Variants in XKR4 observed in about 807,000 individuals in gnomAD.
The protein encoded by XKR4 is XK-related protein 4.
In XKR4, 12 loss-of-function variants were observed where a neutral mutation model predicts 53.9. The ratio of observed to expected loss-of-function variants is 0.22; its 90% confidence interval spans 0.14 to 0.36. The LOEUF (loss-of-function observed/expected upper bound fraction) is 0.36, where lower values mean the gene tolerates loss of function less well. Ranked by LOEUF, XKR4 falls within the 10% of genes least tolerant of loss-of-function variation. XKR4 has a pLI of 1.00. For missense variants in XKR4, 799 were observed against 859.5 expected (o/e 0.93, Z 0.88); for synonymous variants, 354 against 362.4 (o/e 0.98, Z 0.26).
chr8:55,345,031 C>T (rs1414778837), intron 1 of XKR4, among the ~76,000 whole-genome samples: 1 of 152,192 alleles, frequency 6.6e-6, no homozygotes, highest in Non-Finnish European at 1.5e-5. Flanking sequence ...GGGCAGATCA[C>T]AGCAATTTGG....
Position 55,286,862 on chromosome 8 carries a change from C to T in XKR4, c.807-70816C>T, listed in dbSNP as rs1303797929. On this transcript the variant is annotated intron_variant, in intron 1 of 2. Transcript: ENST00000327381. ...TACCAAGAATTAAAAATATTTAGAG[C>T]TAGATGTTAAAAGGTCTACTTTCTA... Among the ~76,000 whole-genome samples, 3 of 152,076 alleles carry T rather than the reference C, an allele frequency of 2.0e-5. No homozygotes were observed. In the South Asian group the frequency reaches 6.2e-4, roughly 32 times the overall value.
chr8:55,222,888 A>C (rs1027678657), intron 1 of XKR4, among the ~76,000 whole-genome samples: 4 of 152,170 alleles, frequency 2.6e-5, no homozygotes, highest in Non-Finnish European at 5.9e-5. Context: ...GGCAGGAGTC[A>C]GGCAGCTTCC....
chr8:55,145,873 G>A (rs4737258), intron 1 of XKR4, among the ~76,000 whole-genome samples: 85,259 of 152,056 alleles, frequency 0.56, 24,315 homozygotes, highest in South Asian at 0.69. Context: ...ATCTCATGGG[G>A]AGATTTGAGT....
At chr8:55,451,590 C>A (rs1327119891) in intron 2 of XKR4, 44 of 1,338,426 alleles carry the variant, frequency 3.3e-5, no homozygotes, top group Non-Finnish European at 4.4e-5. Flanking sequence ...GCCGGATGCG[C>A]CAGCAGACAA....
chr8:55,380,072 A>T (rs1036461998), intron 2 of XKR4, among the ~76,000 whole-genome samples: 1 of 152,244 alleles, frequency 6.6e-6, no homozygotes, highest in Non-Finnish European at 1.5e-5. Context: ...ATAATTAAAC[A>T]CACAGTCCCG....
intron 2 of XKR4, among the ~76,000 whole-genome samples, chr8:55,407,896 G>A (rs1456237835): frequency 6.6e-6 from 1 of 152,198 alleles, no homozygotes; most frequent in African/African-American, 2.4e-5. Flanking sequence ...CAAAACATAA[G>A]CAAAGAAAGG....
At chr8:55,279,447 G>T (rs1449081074) in intron 1 of XKR4, among the ~76,000 whole-genome samples, 2 of 152,194 alleles carry the variant, frequency 1.3e-5, no homozygotes, top group Non-Finnish European at 2.9e-5. Context: ...CTCCAACTGC[G>T]ATGTGCTCTT....
At chr8:55,264,540 T>C (rs1461035119) in intron 1 of XKR4, among the ~76,000 whole-genome samples, 3 of 152,214 alleles carry the variant, frequency 2.0e-5, no homozygotes, top group African/African-American at 4.8e-5. Flanking sequence ...CACTGGCTCT[T>C]CTCCAGATAA....
intron 1 of XKR4, among the ~76,000 whole-genome samples, chr8:55,238,232 C>A (rs965587509): frequency 1.3e-5 from 2 of 152,130 alleles, no homozygotes; most frequent in African/African-American, 2.4e-5. Flanking sequence ...GCCAATGATA[C>A]CATTCTAAGC....
At chr8:55,423,391 G>T (rs546266383) in intron 2 of XKR4, among the ~76,000 whole-genome samples, 45 of 152,276 alleles carry the variant, frequency 3.0e-4, no homozygotes, top group Admixed American at 1.2e-3. Context: ...CACCGCACCC[G>T]CCAGTACATA....
chr8:55,241,809 A>T (rs1818214164), intron 1 of XKR4, among the ~76,000 whole-genome samples: 1 of 152,192 alleles, frequency 6.6e-6, no homozygotes, highest in Non-Finnish European at 1.5e-5. Context: ...AGTGCTTAAC[A>T]TCTAACAGGT....
At chr8:55,464,414 CA>C (rs796118717) in intron 2 of XKR4, among the ~76,000 whole-genome samples, 84 of 152,210 alleles carry the variant, frequency 5.5e-4, no homozygotes, top group African/African-American at 2.0e-3. Flanking sequence ...ACGCCTTTCA[CA>C]AAATTCAATA....
chr8:55,398,327 C>T (rs531405544), intron 2 of XKR4, among the ~76,000 whole-genome samples: 90 of 152,234 alleles, frequency 5.9e-4, no homozygotes, highest in South Asian at 2.1e-3. Flanking sequence ...CCATCCCTAC[C>T]CACCCAAATG....
At position 55,324,396 on chromosome 8, in the gene XKR4, T is replaced by C. The variant is rs571468876; in HGVS notation, c.807-33282T>C. ...AGTGTGAGCCACCGCACCCAGCATT[T>C]ATTTTCTTTGCCCTTAAGAAGTGGC... On this transcript the variant is annotated intron_variant, in intron 1 of 2. Coordinates refer to ENST00000327381, the MANE Select transcript of XKR4 (RefSeq NM_052898.2). 9.2e-5 allele frequency among the ~76,000 whole-genome samples: 14 copies of C among 152,330 alleles called. No individual in the cohort carries two copies. The South Asian group carries it at 2.9e-3, about 32-fold the overall frequency.
chr8:55,205,411 GT>G (rs537700626), intron 1 of XKR4, among the ~76,000 whole-genome samples: 248 of 152,254 alleles, frequency 1.6e-3, no homozygotes, highest in African/African-American at 5.7e-3. Context: ...CTTCTATTCT[GT>G]TTTTATAACG....
intron 1 of XKR4, among the ~76,000 whole-genome samples, chr8:55,109,123 T>G (rs972106171): frequency 6.6e-5 from 10 of 151,964 alleles, no homozygotes; most frequent in African/African-American, 2.2e-4. Flanking sequence ...AAGGAAGAAG[T>G]TTTTTAGTAG....
chr8:55,485,057 T>A (rs1277299730), intron 2 of XKR4, among the ~76,000 whole-genome samples: 1 of 152,200 alleles, frequency 6.6e-6, no homozygotes, highest in Non-Finnish European at 1.5e-5. Context: ...CTTGACAAAA[T>A]TCAACATCCA....
chr8:55,116,555 G>T lies in XKR4; in HGVS notation c.806+13261G>T, dbSNP rs1304986261. Among the ~76,000 whole-genome samples the T allele has an allele frequency of 7.9e-5, 12 of 152,270 alleles. No individual in the cohort carries two copies. In the South Asian group the frequency reaches 1.9e-3, roughly 24 times the overall value. On this transcript the variant is annotated intron_variant, in intron 1 of 2. Transcript: ENST00000327381. ...AAGACATGTCAGTGTCTATAGTTTAGAATAAAGGGATAATGAGAATGATGC... is the reference window on the plus strand; with the variant it reads ...AAGACATGTCAGTGTCTATAGTTTATAATAAAGGGATAATGAGAATGATGC...
intron 2 of XKR4, among the ~76,000 whole-genome samples, chr8:55,510,928 C>T (rs944516841): frequency 1.3e-5 from 2 of 152,272 alleles, no homozygotes; most frequent in African/African-American, 4.8e-5. Flanking sequence ...GGTCCTCACA[C>T]GGTGGGCTTT....
Sources: allele counts gnomAD v4.1 joint callset (sites outside exome capture counted in the v4.1 genomes callset), GRCh38; gene constraint gnomAD v4.1.1; transcripts MANE v1.5; gene names NCBI Gene and HGNC (gene_info 2026-07-23, HGNC 2026-07-21).